MAPK10: variants seen among roughly 807,000 people sequenced by gnomAD.
The protein encoded by MAPK10 is mitogen-activated protein kinase 10, also known as JNK3 alpha protein kinase.
A neutral mutation model predicts 59.3 loss-of-function variants in MAPK10; 25 were observed. The ratio of observed to expected loss-of-function variants is 0.42; its 90% CI spans 0.31 to 0.59. The LOEUF is 0.59. Ranked by LOEUF, MAPK10 falls within the 20% of genes least tolerant of loss-of-function variation. The pLI is 0.15. For missense variants in MAPK10, 351 were observed against 568.9 expected (o/e 0.62, Z 3.90); for synonymous variants, 190 against 200.5 (o/e 0.95, Z 0.44).
intron 3 of MAPK10, among the ~76,000 whole-genome samples, chr4:86,180,570 A>C (rs1346388720): frequency 1.3e-5 from 2 of 152,026 alleles, no homozygotes; most frequent in East Asian, 3.9e-4. Context: ...TGCACTATTC[A>C]CAATAGCCAA....
At position 86,107,033 on chromosome 4, in the gene MAPK10, T is replaced by C. The variant is rs1580360114; in HGVS notation, c.366+190A>G. ...CATCACTTCCACATCATATGGTTTT[T>C]AGGTGATTTTTAAGCAGAAAGCTAC... On this transcript the variant is annotated intron_variant, in intron 5 of 13. Transcript: ENST00000641462. 20 of 421,750 alleles carry C rather than the reference T, an allele frequency of 4.7e-5. No homozygotes were observed. In the East Asian group the frequency reaches 7.9e-4, roughly 17 times the overall value. 26.1% of individuals were successfully genotyped at this position (421,750 alleles called of 1,614,324 possible). A position where few individuals can be genotyped will look rare whatever the true frequency, so the allele number is the denominator to read the frequency against.
At chr4:86,249,360 G>A (rs1224804172) in intron 2 of MAPK10, among the ~76,000 whole-genome samples, 2 of 152,130 alleles carry the variant, frequency 1.3e-5, no homozygotes, top group Non-Finnish European at 2.9e-5. Context: ...ATCACAAGGC[G>A]GTTGCTGTAA....
At chr4:86,104,208 G>A (rs1300147976) in intron 5 of MAPK10, among the ~76,000 whole-genome samples, 1 of 151,920 alleles carries the variant, frequency 6.6e-6, no homozygotes, top group Non-Finnish European at 1.5e-5. Context: ...TCAATTCTAT[G>A]GAATGTTTTA....
chr4:86,472,267 A>G (rs988078667), intron 1 of MAPK10, among the ~76,000 whole-genome samples: 1 of 152,220 alleles, frequency 6.6e-6, no homozygotes, highest in Non-Finnish European at 1.5e-5. Context: ...TTTCCTACAA[A>G]GTTTTTAAAC....
intron 8 of MAPK10, 40 bp downstream of exon 8, chr4:86,101,012 C>A: frequency 6.3e-7 from 1 of 1,591,232 alleles, no homozygotes; most frequent in Non-Finnish European, 8.6e-7. Context: ...GCACCCGTTT[C>A]ATTCATGGTT....
intron 1 of MAPK10, among the ~76,000 whole-genome samples, chr4:86,408,899 A>C (rs547680909): frequency 8.4e-4 from 128 of 152,220 alleles, no homozygotes; most frequent in Non-Finnish European, 1.6e-3. Context: ...GAAGCTCTTT[A>C]GTTTAATTAG....
intron 2 of MAPK10, among the ~76,000 whole-genome samples, chr4:86,337,571 C>A (rs1431238092): frequency 1.3e-5 from 2 of 152,200 alleles, no homozygotes; most frequent in Non-Finnish European, 2.9e-5. Context: ...TCTGCACCCA[C>A]CATGATCAGA....
chr4:86,250,104 T>TA (rs35034762), intron 2 of MAPK10, among the ~76,000 whole-genome samples: 1 of 152,198 alleles, frequency 6.6e-6, no homozygotes, highest in Non-Finnish European at 1.5e-5. Context: ...GATGATGGAC[T>TA]AAAAAACATT....
chr4:86,352,530 T>C (rs536644665), intron 2 of MAPK10, among the ~76,000 whole-genome samples: 261 of 152,184 alleles, frequency 1.7e-3, no homozygotes, highest in Non-Finnish European at 2.6e-3. Context: ...CACAGATAGA[T>C]GGAAAACCTA....
At chr4:86,361,886 G>A (rs544193561), upstream of MAPK10, among the ~76,000 whole-genome samples, 1 of 152,234 alleles carries the variant, frequency 6.6e-6, no homozygotes, top group Admixed American at 6.5e-5. Flanking sequence ...GCTGGAGGAC[G>A]GAAAGGTGGA....
chr4:86,069,838 A>G (rs755069955), intron 9 of MAPK10, among the ~76,000 whole-genome samples: 62 of 152,230 alleles, frequency 4.1e-4, no homozygotes, highest in Non-Finnish European at 8.1e-4. Flanking sequence ...ACACAGTATT[A>G]TATCCTAATT....
At chr4:86,242,931 C>T (rs1018243972) in intron 2 of MAPK10, among the ~76,000 whole-genome samples, 1 of 152,164 alleles carries the variant, frequency 6.6e-6, no homozygotes, top group African/African-American at 2.4e-5. Flanking sequence ...GGGGTTGGGA[C>T]GCTAGGCCCC....
intron 1 of MAPK10, among the ~76,000 whole-genome samples, chr4:86,508,032 C>T (rs1755936794): frequency 6.6e-6 from 1 of 152,006 alleles, no homozygotes; most frequent in Non-Finnish European, 1.5e-5. Context: ...TATCTCAAAC[C>T]AATTATGTAA....
intron 1 of MAPK10, among the ~76,000 whole-genome samples, chr4:86,472,568 A>G (rs1456812559): frequency 6.6e-6 from 1 of 152,140 alleles, no homozygotes; most frequent in African/African-American, 2.4e-5. Context: ...CACTTGAGCC[A>G]GGCAGGTTGA....
At chr4:86,156,991 T>G (rs1037398969) in intron 4 of MAPK10, among the ~76,000 whole-genome samples, 1 of 152,054 alleles carries the variant, frequency 6.6e-6, no homozygotes, top group Non-Finnish European at 1.5e-5. Context: ...AAGGAAAATT[T>G]TCATTTTTTT....
Position 86,017,754 on chromosome 4 carries a change from C to G in MAPK10, c.1253-384G>C, listed in dbSNP as rs556966777. On this transcript the variant is annotated intron_variant, in intron 13 of 13. Transcript: ENST00000641462. The surrounding 1 kb of genome is among the most constrained non-coding windows in gnomAD (Gnocchi z 4.4). ...ATTTATTTTTTTTGAGATGGAGTCT[C>G]GCTCTGTCGCCAGGCTGGAGTGCAG... Among the ~76,000 whole-genome samples the G allele has an allele frequency of 1.8e-4, 27 of 152,226 alleles. No homozygotes were observed. The highest frequency in any genetic ancestry group is 6.0e-4 in the African/African-American group (25 of 41,528).
At chr4:86,397,332 T>A (rs116717532) in intron 1 of MAPK10, among the ~76,000 whole-genome samples, 263 of 152,098 alleles carry the variant, frequency 1.7e-3, no homozygotes, top group Non-Finnish European at 3.1e-3. Context: ...CTTTATCAAT[T>A]TCTCCTTCAA....
rs13104186 is a variant in MAPK10 at position 86,119,374 on chromosome 4, G to T, written c.237-12022C>A. 1,218 of 152,208 alleles carry T rather than the reference G, an allele frequency of 8.0e-3. 13 individuals are homozygous for T. Among genetic ancestry groups the T allele is most frequent in the Middle Eastern group, 0.031 (9 of 294 alleles). The allele number at this position is 152,208 out of a possible 1,614,324, so 9.4% of individuals were successfully genotyped here. A position where few individuals can be genotyped will look rare whatever the true frequency, so the allele number is the denominator to read the frequency against. ...CCCAGCACTTTGGGAGGCCGAGGCG[G>T]ATCACGAGGTCAGGAGTTTGAGATC... On this transcript the variant is annotated intron_variant, in intron 4 of 13. Transcript: ENST00000641462.
intron 1 of MAPK10, among the ~76,000 whole-genome samples, chr4:86,474,385 TA>T (rs796853197): frequency 3.3e-5 from 5 of 152,036 alleles, no homozygotes; most frequent in Non-Finnish European, 4.4e-5. Context: ...TACATGGCTT[TA>T]AAAAAAATTA....
Sources: gnomAD v4.1 joint callset for allele counts (sites outside exome capture counted in the v4.1 genomes callset) on GRCh38, gnomAD v4.1.1 for gene constraint, Gnocchi (gnomAD v3.1) non-coding constraint, MANE v1.5 for transcripts, NCBI Gene and HGNC (gene_info 2026-07-23, HGNC 2026-07-21) for gene names.